FER: variants seen among roughly 807,000 people sequenced by gnomAD.
FER encodes FER tyrosine kinase, also known as tyrosine-protein kinase Fer.
FER carries 63 observed loss-of-function variants against 111.0 expected under a neutral mutation model. The ratio of observed to expected loss-of-function variants is 0.57; its 90% CI spans 0.46 to 0.70. The LOEUF (loss-of-function observed/expected upper bound fraction) is 0.70. FER is among the 30% of genes least tolerant of loss of function. The pLI is 0.00. For missense variants in FER, 914 were observed against 954.0 expected (o/e 0.96, Z 0.55); for synonymous variants, 327 against 313.9 (o/e 1.04, Z -0.44).
intron 11 of FER, among the ~76,000 whole-genome samples, chr5:108,949,344 G>A (rs2149636333): frequency 6.6e-6 from 1 of 152,080 alleles, no homozygotes; most frequent in Non-Finnish European, 1.5e-5. Flanking sequence ...TATATCAGTT[G>A]TCTTCTGTTA....
chr5:108,924,465 A>G, intron 10 of FER: 2 of 477,332 alleles, frequency 4.2e-6, no homozygotes, highest in Non-Finnish European at 6.5e-6. Flanking sequence ...TCGAAAACGC[A>G]ACATTTGTTG....
At chr5:108,775,010 A>C (rs1753337567) in intron 2 of FER, among the ~76,000 whole-genome samples, 1 of 152,072 alleles carries the variant, frequency 6.6e-6, no homozygotes, top group Non-Finnish European at 1.5e-5. Flanking sequence ...TTCTTCTAGA[A>C]TTTTTATGGT....
chr5:109,065,604 C>G (rs1295898215), intron 16 of FER, among the ~76,000 whole-genome samples: 1 of 152,128 alleles, frequency 6.6e-6, no homozygotes, highest in Admixed American at 6.5e-5. Context: ...TCCCGTAATC[C>G]TAGCACTTTG....
At chr5:109,122,615 G>A (rs1448886333) in intron 17 of FER, among the ~76,000 whole-genome samples, 1 of 152,012 alleles carries the variant, frequency 6.6e-6, no homozygotes, top group Non-Finnish European at 1.5e-5. Flanking sequence ...TAAGTTCAAT[G>A]TGTCTTTGTT....
chr5:109,134,421 A>G (rs1752679962), intron 17 of FER, among the ~76,000 whole-genome samples: 1 of 152,202 alleles, frequency 6.6e-6, no homozygotes, highest in South Asian at 2.1e-4. Context: ...AGGTTTTATA[A>G]TCTTAAGGTT....
intron 13 of FER, among the ~76,000 whole-genome samples, chr5:108,977,242 A>C (rs1761472451): frequency 6.6e-6 from 1 of 152,224 alleles, no homozygotes; most frequent in Non-Finnish European, 1.5e-5. Flanking sequence ...TATAAATGGC[A>C]CCATGTATGG....
chr5:109,097,365 G>GA (rs35029392), intron 16 of FER, among the ~76,000 whole-genome samples: 2 of 151,796 alleles, frequency 1.3e-5, no homozygotes, highest in Middle Eastern at 3.4e-3. Context: ...TACCCATACA[G>GA]AAAAAAGTCT....
chr5:108,867,971 A>G (rs376050719), intron 6 of FER, 21 bp downstream of exon 6: 1 of 1,583,622 alleles, frequency 6.3e-7, no homozygotes, highest in Non-Finnish European at 8.6e-7. Context: ...TTTTCTTTTT[A>G]TCATAAAATC....
At chr5:109,050,859 CTCTG>C (rs1019837965) in intron 16 of FER, among the ~76,000 whole-genome samples, 5 of 152,222 alleles carry the variant, frequency 3.3e-5, no homozygotes, top group African/African-American at 1.2e-4. Flanking sequence ...AAGGACAATC[CTCTG>C]TCTTTTTCTT....
At chr5:108,849,465 T>C (rs1302836125) in intron 5 of FER, among the ~76,000 whole-genome samples, 7 of 150,530 alleles carry the variant, frequency 4.7e-5, no homozygotes, top group Non-Finnish European at 8.9e-5. Flanking sequence ...TTGTTGTTGT[T>C]GTTGTTGTTG....
intron 17 of FER, among the ~76,000 whole-genome samples, chr5:109,145,238 A>G (rs578111469): frequency 6.6e-6 from 1 of 152,134 alleles, no homozygotes; most frequent in Non-Finnish European, 1.5e-5. Context: ...TATGTCCTGA[A>G]GAACAAGGGA....
intron 13 of FER, among the ~76,000 whole-genome samples, chr5:108,992,694 C>T (rs1444625971): frequency 6.7e-6 from 1 of 150,048 alleles, no homozygotes; most frequent in African/African-American, 2.4e-5. Flanking sequence ...CCCCACCTCC[C>T]TCCCGGATGG....
At chr5:108,804,860 G>A (rs570405617) in intron 3 of FER, among the ~76,000 whole-genome samples, 1 of 152,070 alleles carries the variant, frequency 6.6e-6, no homozygotes, top group Non-Finnish European at 1.5e-5. Context: ...TTTTTAGAAT[G>A]AATTAGGTAG....
At chr5:108,991,036 A>G (rs1246801478) in intron 13 of FER, among the ~76,000 whole-genome samples, 3 of 151,452 alleles carry the variant, frequency 2.0e-5, no homozygotes, top group Non-Finnish European at 4.4e-5. Flanking sequence ...ATATTTAGAT[A>G]TATAGTATAT....
chr5:108,867,345 A>C lies in FER; in HGVS notation c.482-422A>C, dbSNP rs185767596. 2.7e-3 allele frequency among the ~76,000 whole-genome samples: 412 copies of C among 152,174 alleles called. 1 individual carries two copies. The highest frequency in any genetic ancestry group is 0.011 in the South Asian group (54 of 4,820). Reference sequence around the variant, plus strand: ...TATTTTAAGGTTTGTCTTCTCCACAAAGCCTCCTCTGACTACCCTTGTCTT... The same window carrying C: ...TATTTTAAGGTTTGTCTTCTCCACACAGCCTCCTCTGACTACCCTTGTCTT... On this transcript the variant is annotated intron_variant, in intron 5 of 19. Coordinates refer to ENST00000281092, the MANE Select transcript of FER (RefSeq NM_005246.4).
chr5:108,805,986 A>G (rs1468265104), intron 3 of FER, among the ~76,000 whole-genome samples: 1 of 152,216 alleles, frequency 6.6e-6, no homozygotes, highest in Non-Finnish European at 1.5e-5. Context: ...TCTCCAGGGC[A>G]TGTCAGAGGT....
intron 13 of FER, among the ~76,000 whole-genome samples, chr5:108,997,653 G>A (rs1764171240): frequency 6.6e-6 from 1 of 152,152 alleles, no homozygotes; most frequent in South Asian, 2.1e-4. Flanking sequence ...CAGAGCTCCG[G>A]TGCTGTGCTG....
intron 17 of FER, among the ~76,000 whole-genome samples, chr5:109,173,642 C>T (rs1308753173): frequency 6.6e-6 from 1 of 152,074 alleles, no homozygotes; most frequent in Non-Finnish European, 1.5e-5. Flanking sequence ...TATTTTTTCC[C>T]ACTGTCAGAA....
At chr5:109,107,219 T>G (rs1395284547) in intron 17 of FER, among the ~76,000 whole-genome samples, 1 of 152,190 alleles carries the variant, frequency 6.6e-6, no homozygotes, top group Non-Finnish European at 1.5e-5. Flanking sequence ...GGATTCAGAA[T>G]GTCAAAAAAG....
Sources: gnomAD v4.1 joint callset for allele counts (sites outside exome capture counted in the v4.1 genomes callset) on GRCh38, gnomAD v4.1.1 for gene constraint, MANE v1.5 for transcripts, NCBI Gene and HGNC (gene_info 2026-07-23, HGNC 2026-07-21) for gene names.